The following PCDHGB6 variants were observed in gnomAD, a reference collection of about 807,000 sequenced individuals.
The protein encoded by PCDHGB6 is protocadherin gamma subfamily B, 6, also known as protocadherin gamma-B6.
In PCDHGB6, 51 loss-of-function variants were observed where a neutral mutation model predicts 59.1. The ratio of observed to expected loss-of-function variants is 0.86; its 90% confidence interval spans 0.69 to 1.09. The LOEUF (loss-of-function observed/expected upper bound fraction) is 1.09. PCDHGB6 is among the 50% of genes least tolerant of loss of function. PCDHGB6 has a pLI of 0.00. For missense variants in PCDHGB6, 1,148 were observed against 1,205.1 expected, an observed-to-expected ratio of 0.95 and a Z score of 0.70; for synonymous variants, 466 against 495.1, an observed-to-expected ratio of 0.94 and a Z score of 0.78.
Position 141,409,133 on chromosome 5 carries a change from G to A in PCDHGB6, c.931G>A (p.Asp311Asn). ...IKNNQSFDFE[D>N]VERYTMEVEA... The stretch of plus-strand genomic sequence containing the variant: ...GAATAACCAGTCATTTGATTTTGAA[G>A]ATGTAGAAAGGTACACCATGGAAGT... The change falls in exon 1 of 4, where the codon GAT becomes AAT. Residue 311 changes from aspartate to asparagine, a missense_variant. Asp to Asn is a conservative substitution (Grantham distance 23). Coordinates refer to ENST00000520790, the MANE Select transcript of PCDHGB6 (RefSeq NM_018926.3). 1 of 1,614,002 alleles carries A rather than the reference G, an allele frequency of 6.2e-7. No homozygotes were observed. Among genetic ancestry groups the A allele is most frequent in the Non-Finnish European group, 8.5e-7 (1 of 1,179,892 alleles).
chr5:141,449,165 G>A (rs144669334), intron 1 of PCDHGB6, among the ~76,000 whole-genome samples: 3 of 152,234 alleles, frequency 2.0e-5, no homozygotes, highest in Admixed American at 1.3e-4. Context: ...GGAAATAGGT[G>A]TAATTTTCTT....
chr5:141,450,280 T>C (rs1374970772), intron 1 of PCDHGB6, among the ~76,000 whole-genome samples: 2 of 152,166 alleles, frequency 1.3e-5, no homozygotes, highest in African/African-American at 4.8e-5. Context: ...AGCTAAGTGC[T>C]GGGATTACAG....
intron 1 of PCDHGB6, among the ~76,000 whole-genome samples, chr5:141,463,025 T>G (rs2099051289): frequency 6.6e-6 from 1 of 152,202 alleles, no homozygotes; most frequent in Non-Finnish European, 1.5e-5. Flanking sequence ...ACTTTTTTGA[T>G]TAATCTGAGT....
At chr5:141,488,439 C>G (rs2099675441) in intron 1 of PCDHGB6, among the ~76,000 whole-genome samples, 1 of 152,206 alleles carries the variant, frequency 6.6e-6, no homozygotes, top group African/African-American at 2.4e-5. Context: ...TCTGACCACC[C>G]TCCTGGGTGA....
intron 1 of PCDHGB6, chr5:141,441,126 C>T (rs1319809408): frequency 6.6e-6 from 1 of 152,062 alleles, no homozygotes; most frequent in Non-Finnish European, 1.5e-5. Context: ...CAGTTGAGAC[C>T]GAATTTCTAG....
Position 141,417,626 on chromosome 5 carries a change from T to C in PCDHGB6, c.2418+7006T>C, listed in dbSNP as rs1156653216. ...CCGTCGGCCAGTGCAGAGCAAGCGC[T>C]GACGCCGGGGATCCCTCAGCCTCTA... On this transcript the variant is annotated intron_variant, in intron 1 of 3. Coordinates refer to ENST00000520790, the MANE Select transcript of PCDHGB6 (RefSeq NM_018926.3). The C allele has an allele frequency of 4.4e-6, 3 of 689,458 alleles. No homozygotes were observed. In the African/African-American group the frequency reaches 5.4e-5, roughly 12 times the overall value. The allele number at this position is 689,458 out of a possible 1,614,324, so 42.7% of individuals were successfully genotyped here. A position where few individuals can be genotyped will look rare whatever the true frequency, so the allele number is the denominator to read the frequency against.
chr5:141,472,132 A>C (rs1004365239), intron 1 of PCDHGB6, among the ~76,000 whole-genome samples: 3 of 152,272 alleles, frequency 2.0e-5, no homozygotes, highest in African/African-American at 7.2e-5. Flanking sequence ...GAGAAGTTAA[A>C]AATAAAAGTT....
intron 1 of PCDHGB6, chr5:141,410,849 C>CTTTTGTTTTTTTTTTTTTTTTTT (rs2095432564): frequency 7.7e-6 from 1 of 129,786 alleles, no homozygotes; most frequent in Non-Finnish European, 1.3e-5. Flanking sequence ...TTGTCTTTGT[C>CTTTTGTTTTTTTTTTTTTTTTTT]TTTTTTTTTT....
intron 1 of PCDHGB6, among the ~76,000 whole-genome samples, chr5:141,425,555 A>T (rs1282440598): frequency 6.6e-6 from 1 of 152,270 alleles, no homozygotes; most frequent in African/African-American, 2.4e-5. Flanking sequence ...AACCTCTTTT[A>T]TAAGTGATAA....
chr5:141,462,431 T>G (rs1345184304), intron 1 of PCDHGB6, among the ~76,000 whole-genome samples: 1 of 152,246 alleles, frequency 6.6e-6, no homozygotes, highest in East Asian at 1.9e-4. Context: ...TGGTGAGTGT[T>G]GCTTACACAC....
At chr5:141,468,931 G>A (rs1321821773) in intron 1 of PCDHGB6, among the ~76,000 whole-genome samples, 2 of 148,600 alleles carry the variant, frequency 1.3e-5, no homozygotes, top group Non-Finnish European at 3.0e-5. Flanking sequence ...GCACTAAAAT[G>A]GGAGATGGGG....
At chr5:141,426,432 C>T (rs1239073805) in intron 1 of PCDHGB6, 2 of 295,812 alleles carry the variant, frequency 6.8e-6, no homozygotes, top group African/African-American at 2.2e-5. Flanking sequence ...TGGTGGGGAA[C>T]CTTGCGGAGG....
At chr5:141,428,290 C>G in intron 1 of PCDHGB6, 2 of 726,802 alleles carry the variant, frequency 2.8e-6, no homozygotes, top group Non-Finnish European at 4.8e-6. Context: ...CCAAGCAAAG[C>G]TGCAGATTTA....
chr5:141,422,296 A>C, intron 1 of PCDHGB6: 1 of 1,550,706 alleles, frequency 6.4e-7, no homozygotes, highest in South Asian at 1.3e-5. Context: ...TATTAATTCA[A>C]TTCTGGAAAA....
At chr5:141,421,148 G>A (rs1334539595) in intron 1 of PCDHGB6, 2 of 1,056,062 alleles carry the variant, frequency 1.9e-6, no homozygotes, top group African/African-American at 1.6e-5. Context: ...GATGTAGTCG[G>A]CCTAGGACTT....
At position 141,409,230 on chromosome 5, in the gene PCDHGB6, A is replaced by G; in HGVS notation, c.1028A>G (p.Asn343Ser). The change falls in exon 1 of 4, where the codon AAC (asparagine) becomes AGC (serine). Residue 343 changes from asparagine (N) to serine (S), a missense_variant. Asn to Ser is a conservative substitution (Grantham distance 46). Around this residue, in one of 5 missense-constraint regions of PCDHGB6, gnomAD observed 549 missense variants for 527.5 expected, o/e 1.04. Coordinates refer to ENST00000520790, the MANE Select transcript of PCDHGB6 (RefSeq NM_018926.3). ...ATAGAAATCCTTGATGAAAACGACAACAGCCCAGAAATAATCATCACTTCT... is the reference window on the plus strand; with the variant it reads ...ATAGAAATCCTTGATGAAAACGACAGCAGCCCAGAAATAATCATCACTTCT... ...VIIEILDEND[N>S]SPEIIITSLS... 1 of 1,614,024 alleles carries G rather than the reference A, an allele frequency of 6.2e-7. No individual in the cohort carries two copies.
In PCDHGB6 at chr5:141,432,487, G is replaced by A; in HGVS notation, c.2418+21867G>A. On this transcript the variant is annotated intron_variant, in intron 1 of 3. Coordinates refer to ENST00000520790, the MANE Select transcript of PCDHGB6 (RefSeq NM_018926.3). This position sits in a 1 kb window ranked among gnomAD's most constrained non-coding sequence, Gnocchi z 6.0. ...CCACGGACGGTTCCACTGGCGTGGA[G>A]CTGGCTCCCCGCTCCGCAGAGCCCG... 1.2e-6 allele frequency: 2 copies of A among 1,614,208 alleles called. No homozygotes were observed. The highest frequency in any genetic ancestry group is 2.2e-5 in the East Asian group (1 of 44,874).
At chr5:141,450,919 G>A (rs1489017891) in intron 1 of PCDHGB6, among the ~76,000 whole-genome samples, 2 of 151,024 alleles carry the variant, frequency 1.3e-5, no homozygotes, top group African/African-American at 4.9e-5. Context: ...CTGCCTCCCA[G>A]ATTCAAGCAA....
intron 1 of PCDHGB6, chr5:141,415,929 T>C: frequency 1.6e-6 from 1 of 629,678 alleles, no homozygotes; most frequent in African/African-American, 1.9e-5. Context: ...TGTCAATTTA[T>C]ATTTCCTCCT....
Sources: gnomAD v4.1 joint callset for allele counts (sites outside exome capture counted in the v4.1 genomes callset) on GRCh38, gnomAD v4.1.1 for gene constraint, gnomAD v4.1.1 regional missense constraint, Gnocchi (gnomAD v3.1) non-coding constraint, MANE v1.5 for transcripts, NCBI Gene and HGNC (gene_info 2026-07-23, HGNC 2026-07-21) for gene names.